TIMMDC1: variants seen among roughly 807,000 people sequenced by gnomAD.
TIMMDC1 encodes complex I assembly factor TIMMDC1, mitochondrial.
TIMMDC1 carries 25 observed loss-of-function variants against 32.6 expected under a neutral mutation model. The ratio of observed to expected loss-of-function variants is 0.77; its 90% CI spans 0.56 to 1.07. The LOEUF (loss-of-function observed/expected upper bound fraction) is 1.07. Among genes scored for constraint, TIMMDC1 ranks in the 50% least tolerant of loss-of-function variants. TIMMDC1 has a pLI of 0.00. For missense variants in TIMMDC1, 329 were observed against 349.2 expected (o/e 0.94, Z 0.46); for synonymous variants, 130 against 127.6 (o/e 1.02, Z -0.13).
intron 5 of TIMMDC1, among the ~76,000 whole-genome samples, chr3:119,515,816 A>G (rs2081982257): frequency 6.6e-6 from 1 of 152,216 alleles, no homozygotes; most frequent in Admixed American, 6.5e-5. Flanking sequence ...AGGTGGTTGT[A>G]AATGTTGATA....
intron 2 of TIMMDC1, among the ~76,000 whole-genome samples, chr3:119,502,528 A>T (rs1283053902): frequency 1.3e-5 from 2 of 151,682 alleles, no homozygotes; most frequent in Admixed American, 1.3e-4. Context: ...CACTGTGCCC[A>T]GCCTATTTTT....
chr3:119,511,404 G>A (rs1464714785), intron 4 of TIMMDC1, among the ~76,000 whole-genome samples: 1 of 151,928 alleles, frequency 6.6e-6, no homozygotes, highest in Non-Finnish European at 1.5e-5. Flanking sequence ...TTGAACCCGG[G>A]AGGCAGAGGT....
At chr3:119,517,951 A>ACTCGC (rs1342978865) in intron 6 of TIMMDC1, among the ~76,000 whole-genome samples, 3 of 150,510 alleles carry the variant, frequency 2.0e-5, no homozygotes, top group Non-Finnish European at 3.0e-5. Context: ...ACAGAGCAAG[A>ACTCGC]CTCGGTCTCA....
At chr3:119,513,373 T>G (rs926572270) in intron 4 of TIMMDC1, among the ~76,000 whole-genome samples, 1 of 152,100 alleles carries the variant, frequency 6.6e-6, no homozygotes, top group Non-Finnish European at 1.5e-5. Context: ...TAAGGAGAGA[T>G]GGGCAAAAAT....
At chr3:119,517,442 C>T (rs1186508953) in intron 6 of TIMMDC1, 127 bp downstream of exon 6, 1 of 628,364 alleles carries the variant, frequency 1.6e-6, no homozygotes, top group East Asian at 2.6e-5. Flanking sequence ...TTTACCAAGT[C>T]CTTCAACTCA....
chr3:119,510,997 A>G (rs1224219133), intron 4 of TIMMDC1, among the ~76,000 whole-genome samples: 4 of 152,360 alleles, frequency 2.6e-5, no homozygotes, highest in African/African-American at 9.6e-5. Flanking sequence ...GCTGTTATCC[A>G]GAGGCCTTAC....
intron 6 of TIMMDC1, among the ~76,000 whole-genome samples, chr3:119,519,121 C>CACCAGTAAGAACG (rs112255784): frequency 2.0e-5 from 3 of 151,868 alleles, no homozygotes; most frequent in Non-Finnish European, 4.4e-5. Context: ...AGAGCAGATA[C>CACCAGTAAGAACG]AGAAAGGAAT....
intron 1 of TIMMDC1, among the ~76,000 whole-genome samples, chr3:119,499,843 G>A (rs546614147): frequency 2.6e-5 from 4 of 152,258 alleles, no homozygotes; most frequent in Non-Finnish European, 5.9e-5. Flanking sequence ...GCATTTGAGA[G>A]TAACAAATCG....
intron 6 of TIMMDC1, among the ~76,000 whole-genome samples, chr3:119,520,683 A>C (rs2107735644): frequency 6.6e-6 from 1 of 152,350 alleles, no homozygotes; most frequent in Non-Finnish European, 1.5e-5. Flanking sequence ...ACCAATTCTC[A>C]AACTGTTCCG....
intron 2 of TIMMDC1, 60 bp downstream of exon 2, chr3:119,500,920 T>G: frequency 6.6e-7 from 1 of 1,522,786 alleles, no homozygotes. Context: ...CACTTTACAC[T>G]TAATCATTCA....
At chr3:119,508,372 G>A (rs2081931548) in intron 4 of TIMMDC1, among the ~76,000 whole-genome samples, 2 of 152,156 alleles carry the variant, frequency 1.3e-5, no homozygotes, top group African/African-American at 2.4e-5. Flanking sequence ...GTATTTATCT[G>A]TCTGTCTCTC....
Position 119,503,624 on chromosome 3 carries a change from A to C in TIMMDC1, c.449+4A>C. On this transcript the variant is annotated splice_donor_region_variant and intron_variant, in intron 3 of 6. Transcript: ENST00000494664. ...CAGTGTTTGTGACTATATTCAAGTA[A>C]GTTCACTCTGAATTGTGAGATAGTG... is the stretch of plus-strand genomic sequence containing the variant. 1.9e-6 allele frequency: 3 copies of C among 1,598,844 alleles called. No individual in the cohort carries two copies. Among genetic ancestry groups the C allele is most frequent in the Non-Finnish European group, 2.6e-6 (3 of 1,172,218 alleles).
At chr3:119,513,483 T>C (rs2081967109) in intron 4 of TIMMDC1, among the ~76,000 whole-genome samples, 158 bp from the exon 5 acceptor site, 1 of 152,194 alleles carries the variant, frequency 6.6e-6, no homozygotes, top group African/African-American at 2.4e-5. Flanking sequence ...AAGCTACCTG[T>C]GTTGGCATTT....
intron 5 of TIMMDC1, among the ~76,000 whole-genome samples, chr3:119,515,698 T>C (rs1030189196): frequency 3.9e-5 from 6 of 152,224 alleles, no homozygotes; most frequent in African/African-American, 1.4e-4. Context: ...TGTGATTAAT[T>C]AGTAATCTGG....
chr3:119,498,979 C>A, intron 1 of TIMMDC1, 52 bp downstream of exon 1: 1 of 1,572,406 alleles, frequency 6.4e-7, no homozygotes, highest in South Asian at 1.1e-5. Flanking sequence ...AAGCGGTGTC[C>A]TGCAGCGTGG....
At chr3:119,518,452 C>T (rs2082000249) in intron 6 of TIMMDC1, among the ~76,000 whole-genome samples, 1 of 151,062 alleles carries the variant, frequency 6.6e-6, no homozygotes, top group Non-Finnish European at 1.5e-5. Context: ...GTCCATCATC[C>T]AAGGACTTAA....
At chr3:119,504,807 A>C (rs143594865) in intron 4 of TIMMDC1, among the ~76,000 whole-genome samples, 13 of 152,248 alleles carry the variant, frequency 8.5e-5, no homozygotes, top group Middle Eastern at 3.4e-3. Flanking sequence ...ATTTTGGCCA[A>C]GCGGTGGCTC....
At chr3:119,519,876 C>CA (rs1366634490) in intron 6 of TIMMDC1, among the ~76,000 whole-genome samples, 1 of 151,418 alleles carries the variant, frequency 6.6e-6, no homozygotes, top group Non-Finnish European at 1.5e-5. Context: ...CAAGTCTCAA[C>CA]AAATTTTTAA....
At chr3:119,505,875 G>A (rs72952928) in intron 4 of TIMMDC1, among the ~76,000 whole-genome samples, 16,106 of 152,052 alleles carry the variant, frequency 0.11, 2,086 homozygotes, top group African/African-American at 0.31. Context: ...CTGTGTATAT[G>A]TGTACACACA....
Sources: gnomAD v4.1 joint callset for allele counts (sites outside exome capture counted in the v4.1 genomes callset) on GRCh38, gnomAD v4.1.1 for gene constraint, MANE v1.5 for transcripts, NCBI Gene and HGNC (gene_info 2026-07-23, HGNC 2026-07-21) for gene names.